Variants in MSRA observed in about 807,000 individuals in gnomAD.
MSRA encodes methionine sulfoxide reductase A, also known as mitochondrial peptide methionine sulfoxide reductase.
MSRA carries 54 observed loss-of-function variants against 31.3 expected under a neutral mutation model. The ratio of observed to expected loss-of-function variants is 1.73; its 90% CI spans 1.39 to 2.17. The LOEUF (loss-of-function observed/expected upper bound fraction) is 2.17, where lower values mean the gene tolerates loss of function less well. MSRA is among the 30% of genes most tolerant of loss of function. The pLI is 0.00. For missense variants in MSRA, 507 were observed against 300.9 expected (o/e 1.69, Z -5.07); for synonymous variants, 169 against 116.5 (o/e 1.45, Z -2.90).
chr8:10,183,709 G>C (rs1456767847), intron 1 of MSRA, among the ~76,000 whole-genome samples: 1 of 151,798 alleles, frequency 6.6e-6, no homozygotes, highest in Non-Finnish European at 1.5e-5. Context: ...CCTAGATACA[G>C]AGGCATAGTG....
chr8:10,065,375 T>TA (rs1797405136), intron 1 of MSRA, among the ~76,000 whole-genome samples: 1 of 152,316 alleles, frequency 6.6e-6, no homozygotes, highest in East Asian at 1.9e-4. Flanking sequence ...CTAGATAACT[T>TA]AAAAAATGTT....
intron 5 of MSRA, among the ~76,000 whole-genome samples, chr8:10,384,121 T>C (rs1241500364): frequency 4.6e-5 from 7 of 152,298 alleles, no homozygotes; most frequent in African/African-American, 1.7e-4. Context: ...CCAGAGCTTG[T>C]ACCTTAAATT....
At chr8:10,251,933 A>G (rs571880382) in intron 3 of MSRA, among the ~76,000 whole-genome samples, 9 of 152,158 alleles carry the variant, frequency 5.9e-5, no homozygotes, top group South Asian at 4.2e-4. Flanking sequence ...CCATCTTCCA[A>G]TACAACAGCT....
intron 5 of MSRA, among the ~76,000 whole-genome samples, chr8:10,421,740 C>T (rs892784755): frequency 1.1e-4 from 16 of 152,156 alleles, no homozygotes; most frequent in African/African-American, 3.9e-4. Flanking sequence ...CTGTGGTGTT[C>T]CTATGAGTCG....
At chr8:10,282,713 A>C (rs974616055) in intron 3 of MSRA, among the ~76,000 whole-genome samples, 9 of 152,186 alleles carry the variant, frequency 5.9e-5, no homozygotes, top group Non-Finnish European at 1.3e-4. Context: ...AGACCTTATC[A>C]CTACCAAGTG....
intron 3 of MSRA, among the ~76,000 whole-genome samples, chr8:10,259,954 C>T (rs1226223314): frequency 6.6e-6 from 1 of 152,262 alleles, no homozygotes; most frequent in Non-Finnish European, 1.5e-5. Context: ...TGATTTGGCA[C>T]AGGCCCTCTG....
At chr8:10,336,859 A>T (rs985619723) in intron 5 of MSRA, 1 of 152,234 alleles carries the variant, frequency 6.6e-6, no homozygotes, top group Non-Finnish European at 1.5e-5. Context: ...CGTTTGCTGC[A>T]AACACAGTCT....
intron 1 of MSRA, among the ~76,000 whole-genome samples, chr8:10,155,542 C>G (rs1427631067): frequency 6.6e-6 from 1 of 152,028 alleles, no homozygotes; most frequent in Non-Finnish European, 1.5e-5. Flanking sequence ...TCTCTCATGC[C>G]CAGATCTTCG....
chr8:10,129,069 AT>A (rs1801709631), intron 1 of MSRA, among the ~76,000 whole-genome samples: 1 of 152,176 alleles, frequency 6.6e-6, no homozygotes, highest in African/African-American at 2.4e-5. Flanking sequence ...TCGCAGTTCT[AT>A]TTTATGCAAA....
chr8:10,069,183 A>G (rs374417078), intron 1 of MSRA, among the ~76,000 whole-genome samples: 10 of 152,192 alleles, frequency 6.6e-5, no homozygotes, highest in African/African-American at 1.7e-4. Flanking sequence ...GATTTTCTAC[A>G]TAGACAGTCA....
intron 3 of MSRA, among the ~76,000 whole-genome samples, chr8:10,248,511 G>C (rs1164330335): frequency 6.6e-6 from 1 of 152,186 alleles, no homozygotes; most frequent in East Asian, 1.9e-4. Context: ...ATCGGCTCAA[G>C]TTTGCTACCC....
chr8:10,257,944 C>G (rs559430336), intron 3 of MSRA, among the ~76,000 whole-genome samples: 1 of 152,132 alleles, frequency 6.6e-6, no homozygotes. Context: ...CATGAGATTT[C>G]CACACACACA....
chr8:10,135,206 C>T (rs921194639), intron 1 of MSRA, among the ~76,000 whole-genome samples: 2 of 152,196 alleles, frequency 1.3e-5, no homozygotes, highest in African/African-American at 2.4e-5. Flanking sequence ...CAATACCTGC[C>T]GTGGTTCCCC....
At chr8:10,256,894 A>C (rs950948375) in intron 3 of MSRA, among the ~76,000 whole-genome samples, 1 of 152,138 alleles carries the variant, frequency 6.6e-6, no homozygotes. Flanking sequence ...TCCTGCCCCA[A>C]ATGGCTACCA....
intron 1 of MSRA, among the ~76,000 whole-genome samples, chr8:10,134,927 C>T (rs1222789554): frequency 6.6e-6 from 1 of 152,066 alleles, no homozygotes; most frequent in African/African-American, 2.4e-5. Flanking sequence ...GTTGTGTAGC[C>T]TAGGTGGGCT....
chr8:10,214,882 G>T (rs1214328049), intron 2 of MSRA, among the ~76,000 whole-genome samples: 2 of 152,194 alleles, frequency 1.3e-5, no homozygotes, highest in East Asian at 3.8e-4. Flanking sequence ...CTTGAGTGTA[G>T]AGAAGTCAGA....
chr8:10,375,157 A>G (rs1200815937), intron 5 of MSRA, among the ~76,000 whole-genome samples: 1 of 152,136 alleles, frequency 6.6e-6, no homozygotes, highest in African/African-American at 2.4e-5. Flanking sequence ...GGAATAACAC[A>G]CTTGTACAGC....
intron 5 of MSRA, among the ~76,000 whole-genome samples, chr8:10,398,258 A>C (rs1401312112): frequency 6.6e-6 from 1 of 152,192 alleles, no homozygotes; most frequent in Non-Finnish European, 1.5e-5. Flanking sequence ...AAGCCATTCC[A>C]TTATCAGAGA....
chr8:10,371,322 C>T (rs145622061), intron 5 of MSRA, among the ~76,000 whole-genome samples: 6 of 152,134 alleles, frequency 3.9e-5, no homozygotes, highest in Non-Finnish European at 8.8e-5. Context: ...GCTTCCTGAG[C>T]GCGCTCTCAT....
Sources: allele counts gnomAD v4.1 joint callset (sites outside exome capture counted in the v4.1 genomes callset), GRCh38; gene constraint gnomAD v4.1.1; transcripts MANE v1.5; gene names NCBI Gene and HGNC (gene_info 2026-07-23, HGNC 2026-07-21).